Variants in RNF19A observed in about 807,000 individuals in gnomAD.
RNF19A encodes the protein ring finger protein 19A, RBR E3 ubiquitin protein ligase.
RNF19A carries 32 observed loss-of-function variants against 75.7 expected under a neutral mutation model. The ratio of observed to expected loss-of-function variants is 0.42; its 90% confidence interval spans 0.32 to 0.57. The LOEUF (loss-of-function observed/expected upper bound fraction) is 0.57, where lower values mean the gene tolerates loss of function less well. Among genes scored for constraint, RNF19A ranks in the 20% least tolerant of loss-of-function variants. The pLI, the probability that RNF19A is intolerant of heterozygous loss-of-function variation, is 0.10. For missense variants in RNF19A, 782 were observed against 1,036.3 expected (o/e 0.75, Z 3.37); for synonymous variants, 335 against 345.2 (o/e 0.97, Z 0.33).
At chr8:100,318,456 G>A (rs770676228) in intron 1 of RNF19A, among the ~76,000 whole-genome samples, 2 of 152,000 alleles carry the variant, frequency 1.3e-5, no homozygotes, top group Non-Finnish European at 2.9e-5. Flanking sequence ...TTTGAAACAA[G>A]GCAAATAAAA....
Position 100,264,310 on chromosome 8 carries a change from G to C in RNF19A, c.1307-115C>G. On this transcript the variant is annotated intron_variant, in intron 6 of 9. Transcript: ENST00000341084. The surrounding 1 kb of genome is among the most constrained non-coding windows in gnomAD (Gnocchi z 4.7). ...ATACAGAGAAAAGCGCCAGGGTTCT[G>C]AAGAGTTGGCTGGAACATTTGCCAA... 1 of 912,396 alleles carries C rather than the reference G, an allele frequency of 1.1e-6. No individual in the cohort carries two copies. The highest frequency in any genetic ancestry group is 1.9e-5 in the South Asian group (1 of 52,024). The allele number at this position is 912,396 out of a possible 1,614,324, so 56.5% of individuals were successfully genotyped here.
rs556155169 is a variant in RNF19A at position 100,290,800 on chromosome 8, T to C, written c.-93-2533A>G. On this transcript the variant is annotated intron_variant, in intron 1 of 9. Coordinates refer to ENST00000341084, the MANE Select transcript of RNF19A (RefSeq NM_183419.4). ...CACACCTAGGGTATACTGTATAGATTATTGCTCCTAGGCTACAAACCTGTA... is the reference window on the plus strand; with the variant it reads ...CACACCTAGGGTATACTGTATAGATCATTGCTCCTAGGCTACAAACCTGTA... Among the ~76,000 whole-genome samples the C allele has an allele frequency of 1.4e-4, 21 of 152,328 alleles. No homozygotes were observed. The South Asian group carries it at 4.4e-3, about 32-fold the overall frequency.
chr8:100,279,910 T>C (rs944433172), intron 2 of RNF19A, among the ~76,000 whole-genome samples: 2 of 152,196 alleles, frequency 1.3e-5, no homozygotes, highest in African/African-American at 2.4e-5. Flanking sequence ...TCTGCCCACC[T>C]TGGCCTCCCA....
upstream of RNF19A, among the ~76,000 whole-genome samples, chr8:100,313,019 T>C (rs781044203): frequency 6.6e-6 from 1 of 152,220 alleles, no homozygotes; most frequent in Non-Finnish European, 1.5e-5. Context: ...TGCCAGGGCC[T>C]CATCATTTCC....
intron 1 of RNF19A, among the ~76,000 whole-genome samples, chr8:100,321,646 G>C (rs1822467004): frequency 6.6e-6 from 1 of 152,210 alleles, no homozygotes; most frequent in African/African-American, 2.4e-5. Flanking sequence ...AATTCACCCA[G>C]ATCCATCAGA....
Position 100,258,099 on chromosome 8 carries a change from GA to G in RNF19A, c.*456del. The G allele has an allele frequency of 2.5e-6, 1 of 398,934 alleles. No homozygotes were observed. The highest frequency in any genetic ancestry group is 4.4e-6 in the Non-Finnish European group (1 of 226,132). The allele number at this position is 398,934 out of a possible 1,614,324, so 24.7% of individuals were successfully genotyped here. ...TGCCGATATAAATAGAAATGTTACAGAGTATCATATACTGAGAGTAACCTAT... is the reference window on the plus strand; with the variant it reads ...TGCCGATATAAATAGAAATGTTACAGGTATCATATACTGAGAGTAACCTAT... On this transcript the variant is annotated 3_prime_UTR_variant, in exon 10 of 10. Transcript: ENST00000341084. This position sits in a 1 kb window ranked among gnomAD's most constrained non-coding sequence, Gnocchi z 4.3.
rs7008978 is a variant in RNF19A at position 100,331,414 on chromosome 8, C to T, written c.-243+4694G>A. On this transcript the variant is annotated intron_variant, in intron 1 of 3. Transcript: ENST00000519527. The surrounding 1 kb of genome is among the most constrained non-coding windows in gnomAD (Gnocchi z 5.2). ...ACTTTGGGAGGTCAAGGTGGGAGGA[C>T]TGCTTGAGCCCAGGAGTTTGGGACC... 0.32 allele frequency among the ~76,000 whole-genome samples: 49,345 copies of T among 151,988 alleles called. 11,517 individuals are homozygous for T. The highest frequency in any genetic ancestry group is 0.66 in the African/African-American group (27,381 of 41,416).
At chr8:100,271,755 T>A (rs1485386846) in intron 3 of RNF19A, among the ~76,000 whole-genome samples, 1 of 152,222 alleles carries the variant, frequency 6.6e-6, no homozygotes, top group Non-Finnish European at 1.5e-5. Context: ...TTTAGTTTGC[T>A]TTGTGTCTTT....
At chr8:100,312,698 T>C (rs1023837971), upstream of RNF19A, among the ~76,000 whole-genome samples, 1 of 151,872 alleles carries the variant, frequency 6.6e-6, no homozygotes. Context: ...CTTAGGTGAG[T>C]GGATCACTTG....
At chr8:100,314,123 C>T (rs1822340285), upstream of RNF19A, among the ~76,000 whole-genome samples, 1 of 151,950 alleles carries the variant, frequency 6.6e-6, no homozygotes, top group Non-Finnish European at 1.5e-5. The surrounding 1 kb of genome is among the most constrained non-coding windows in gnomAD (Gnocchi z 4.1). Flanking sequence ...CTTAAGTAAT[C>T]TGCCCAGCTC....
At position 100,331,794 on chromosome 8, in the gene RNF19A, G is replaced by C. The variant is rs1183587023; in HGVS notation, c.-243+4314C>G. On this transcript the variant is annotated intron_variant, in intron 1 of 3. Coordinates refer to the RNF19A transcript ENST00000519527. This position sits in a 1 kb window ranked among gnomAD's most constrained non-coding sequence, Gnocchi z 5.2. ...TTTCATATGTATTGATCAAAAGCAA[G>C]TCTGTGCACATACAAATAAATCTAT... 6.6e-6 allele frequency among the ~76,000 whole-genome samples: 1 copy of C among 152,090 alleles called. No homozygotes were observed. Among genetic ancestry groups the C allele is most frequent in the African/African-American group, 2.4e-5 (1 of 41,398 alleles).
chr8:100,276,099 C>T (rs576189474), intron 2 of RNF19A, among the ~76,000 whole-genome samples: 7 of 152,234 alleles, frequency 4.6e-5, no homozygotes, highest in Admixed American at 6.5e-5. Context: ...CATTCTTTGG[C>T]ATTTATCCCA....
chr8:100,258,545 C>T lies in RNF19A; in HGVS notation c.*11G>A, dbSNP rs1819555571. The T allele has an allele frequency of 2.5e-6, 4 of 1,589,822 alleles. No individual in the cohort carries two copies. The highest frequency in any genetic ancestry group is 3.4e-6 in the Non-Finnish European group (4 of 1,165,800). ...TTGTACAGTGGTAATTATTCTGCAGCATTTATGGGCCTAAATTTCAGTCTG... is the reference window on the plus strand; with the variant it reads ...TTGTACAGTGGTAATTATTCTGCAGTATTTATGGGCCTAAATTTCAGTCTG... On this transcript the variant is annotated 3_prime_UTR_variant, in exon 10 of 10. Coordinates refer to ENST00000341084, the MANE Select transcript of RNF19A (RefSeq NM_183419.4). The surrounding 1 kb of genome is among the most constrained non-coding windows in gnomAD (Gnocchi z 4.3).
At chr8:100,294,663 T>C (rs376486658) in intron 1 of RNF19A, among the ~76,000 whole-genome samples, 2 of 152,250 alleles carry the variant, frequency 1.3e-5, no homozygotes, top group East Asian at 1.9e-4. Context: ...GACTTTTCTT[T>C]AGGGGGAAAG....
chr8:100,259,325 T>A lies in RNF19A; in HGVS notation c.1827-79A>T. 4 of 1,186,680 alleles carry A rather than the reference T, an allele frequency of 3.4e-6. No homozygotes were observed. The highest frequency in any genetic ancestry group is 3.6e-6 in the Non-Finnish European group (3 of 840,854). 73.5% of individuals were successfully genotyped at this position (1,186,680 alleles called of 1,614,324 possible). ...GATGACTGGGGGAAGGGTTTCTATG[T>A]GGAAAATTCAGACTATATATAAGCT... On this transcript the variant is annotated intron_variant, in intron 9 of 9. Coordinates refer to ENST00000341084, the MANE Select transcript of RNF19A (RefSeq NM_183419.4). The surrounding 1 kb of genome is among the most constrained non-coding windows in gnomAD (Gnocchi z 4.5).
rs781474183 is a variant in RNF19A, at chr8:100,257,696, A to G, written c.*860T>C. On this transcript the variant is annotated 3_prime_UTR_variant, in exon 10 of 10. Coordinates refer to ENST00000341084, the MANE Select transcript of RNF19A (RefSeq NM_183419.4). ...CCAAGGTGACCAGAGAAGACATGGA[A>G]AACAACACAGCAAAATCCTCAAATA... 1.9e-5 allele frequency: 5 copies of G among 266,182 alleles called. No individual in the cohort carries two copies. The highest frequency in any genetic ancestry group is 2.8e-5 in the Non-Finnish European group (4 of 142,952). 16.5% of individuals were successfully genotyped at this position (266,182 alleles called of 1,614,324 possible). A position where few individuals can be genotyped will look rare whatever the true frequency, so the allele number is the denominator to read the frequency against.
At chr8:100,334,282 C>T (rs1228506752) in intron 1 of RNF19A, among the ~76,000 whole-genome samples, 1 of 152,226 alleles carries the variant, frequency 6.6e-6, no homozygotes, top group Admixed American at 6.5e-5. Context: ...ATTTTGAAAG[C>T]TCTGTGAAGG....
At chr8:100,297,552 C>G (rs1206932159) in intron 1 of RNF19A, among the ~76,000 whole-genome samples, 2 of 152,188 alleles carry the variant, frequency 1.3e-5, no homozygotes, top group Non-Finnish European at 2.9e-5. Flanking sequence ...TATGCCCTTT[C>G]AAGGACTGAC....
In RNF19A at chr8:100,275,303, T is replaced by C. The variant is rs1820451633; in HGVS notation, c.675-142A>G. 7.8e-6 allele frequency: 5 copies of C among 639,050 alleles called. No homozygotes were observed. The South Asian group carries it at 1.0e-4, about 13-fold the overall frequency. The allele number at this position is 639,050 out of a possible 1,614,324, so 39.6% of individuals were successfully genotyped here. A position where few individuals can be genotyped will look rare whatever the true frequency, so the allele number is the denominator to read the frequency against. Reference sequence around the variant, plus strand: ...ACAGTCATAAGCACAATCTCACCAATATAAAAATGGGGGAAAATGAAGTTT... The same window carrying C: ...ACAGTCATAAGCACAATCTCACCAACATAAAAATGGGGGAAAATGAAGTTT... On this transcript the variant is annotated intron_variant, in intron 2 of 9. Coordinates refer to ENST00000341084, the MANE Select transcript of RNF19A (RefSeq NM_183419.4). The surrounding 1 kb of genome is among the most constrained non-coding windows in gnomAD (Gnocchi z 4.3).
Sources: allele counts gnomAD v4.1 joint callset (sites outside exome capture counted in the v4.1 genomes callset), GRCh38; gene constraint gnomAD v4.1.1; non-coding constraint Gnocchi (gnomAD v3.1); transcripts MANE v1.5; gene names NCBI Gene and HGNC (gene_info 2026-07-23, HGNC 2026-07-21).